GGA2: variants seen among roughly 807,000 people sequenced by gnomAD.
GGA2 encodes golgi associated, gamma adaptin ear containing, ARF binding protein 2, also known as ADP-ribosylation factor-binding protein GGA2.
GGA2 carries 48 observed loss-of-function variants against 79.5 expected under a neutral mutation model. That is an observed-to-expected ratio of 0.60 (90% CI 0.48 to 0.77). GGA2 has a LOEUF of 0.77. GGA2 is among the 30% of genes least tolerant of loss of function. The pLI is 0.00. For synonymous variants in GGA2, 317 were observed against 302.0 expected (o/e 1.05, Z -0.51); for missense variants, 770 against 774.0 (o/e 0.99, Z 0.06).
At chr16:23,468,630 C>T (rs1964471815) in intron 16 of GGA2, among the ~76,000 whole-genome samples, 1 of 150,656 alleles carries the variant, frequency 6.6e-6, no homozygotes, top group Non-Finnish European at 1.5e-5. Flanking sequence ...CGTGCCCCCA[C>T]AACCAGCTAA....
At chr16:23,480,297 T>G in intron 10 of GGA2, 1 of 310,504 alleles carries the variant, frequency 3.2e-6, no homozygotes, top group Non-Finnish European at 6.1e-6. Flanking sequence ...TTTCAACCAG[T>G]GCTCCAGGTG....
intron 14 of GGA2, among the ~76,000 whole-genome samples, chr16:23,472,480 G>A (rs1964523786): frequency 6.6e-6 from 1 of 151,688 alleles, no homozygotes; most frequent in Admixed American, 6.6e-5. Context: ...TTACAGGCAT[G>A]AGCCACCACA....
intron 2 of GGA2, among the ~76,000 whole-genome samples, chr16:23,515,930 C>G (rs2142151506): frequency 1.3e-5 from 2 of 152,260 alleles, no homozygotes; most frequent in South Asian, 4.1e-4. Flanking sequence ...GCCTCCAACT[C>G]CTGGGTTCAA....
chr16:23,495,710 T>C lies in GGA2; in HGVS notation c.160A>G (p.Asn54Asp). 1 of 1,606,706 alleles carries C rather than the reference T, an allele frequency of 6.2e-7. No homozygotes were observed. The highest frequency in any genetic ancestry group is 8.5e-7 in the Non-Finnish European group (1 of 1,173,302). Reference sequence around the variant, plus strand: ...TTACCTTACCCATTGGGGTCAGTGTTCACCTGCTCACAGAAATTCTGGATA... The same window carrying C: ...TTACCTTACCCATTGGGGTCAGTGTCCACCTGCTCACAGAAATTCTGGATA... The part of the protein sequence containing the change: ...SAIQNFCEQV[N>D]TDPNGPTHAP... Residue 54 changes from asparagine to aspartate, a missense_variant, in exon 2 of 17, where the codon AAC (asparagine) becomes GAC (aspartate). Asn to Asp is a conservative substitution (Grantham distance 23). Coordinates refer to ENST00000309859, the MANE Select transcript of GGA2 (RefSeq NM_015044.4).
rs141472639 is a variant in GGA2 at position 23,475,313 on chromosome 16, C to T, written c.1293-252G>A. On this transcript the variant is annotated intron_variant, in intron 13 of 16. Transcript: ENST00000309859. ...CAAGCGATTCTCCTGACTCAGCCTC[C>T]CGAGTAGCTGGGATTACAGGCACCT... Among the ~76,000 whole-genome samples, 631 of 151,510 alleles carry T rather than the reference C, an allele frequency of 4.2e-3. 2 individuals are homozygous for T. Among genetic ancestry groups the T allele is most frequent in the Middle Eastern group, 0.014 (4 of 294 alleles).
intron 1 of GGA2, among the ~76,000 whole-genome samples, chr16:23,509,058 C>G (rs1002110529): frequency 2.0e-5 from 3 of 152,134 alleles, no homozygotes; most frequent in Non-Finnish European, 4.4e-5. Context: ...TAGCCGCTCT[C>G]CCTGCCTGAA....
chr16:23,494,047 A>T, intron 3 of GGA2: 3 of 514,954 alleles, frequency 5.8e-6, no homozygotes, highest in Non-Finnish European at 1.0e-5. Context: ...TGGTCTAAGA[A>T]GGGCAAATGA....
chr16:23,484,741 T>C (rs1003090987), intron 8 of GGA2, among the ~76,000 whole-genome samples: 2 of 152,186 alleles, frequency 1.3e-5, no homozygotes, highest in Middle Eastern at 3.2e-3. Context: ...TGCAGAGAAC[T>C]GGAGCCAATA....
intron 5 of GGA2, among the ~76,000 whole-genome samples, chr16:23,490,739 GAA>G (rs1199570785): frequency 2.2e-5 from 2 of 89,380 alleles, no homozygotes; most frequent in Non-Finnish European, 2.4e-5. Context: ...TGTCTCAAAA[GAA>G]AAAAAAAAAA....
chr16:23,499,036 G>T (rs935958374), intron 1 of GGA2, among the ~76,000 whole-genome samples: 2 of 152,106 alleles, frequency 1.3e-5, no homozygotes, highest in Non-Finnish European at 2.9e-5. Context: ...GAGAGAACAG[G>T]AGAGGCAGAG....
rs1183364694 is a variant in GGA2, at chr16:23,507,227, G to GAATAT, written c.91+3089_91+3093dup. On this transcript the variant is annotated intron_variant, in intron 1 of 16. Coordinates refer to ENST00000309859, the MANE Select transcript of GGA2 (RefSeq NM_015044.4). ...TGAAAACCCACGATATTTCACTTAA[G>GAATAT]AATATAGGTTCTAGCCGTTCCTGAA... Among the ~76,000 whole-genome samples the GAATAT allele has an allele frequency of 2.6e-4, 40 of 152,222 alleles. 1 individual carries two copies. The highest frequency in any genetic ancestry group is 9.6e-4 in the African/African-American group (40 of 41,522).
chr16:23,509,515 C>A (rs1965011523), intron 1 of GGA2, among the ~76,000 whole-genome samples: 1 of 152,020 alleles, frequency 6.6e-6, no homozygotes, highest in South Asian at 2.1e-4. Flanking sequence ...GAGCAAGGAC[C>A]CTGTGTTATG....
intron 16 of GGA2, 31 bp downstream of exon 16, chr16:23,468,855 T>C (rs746299571): frequency 7.2e-7 from 1 of 1,386,714 alleles, no homozygotes. Flanking sequence ...GGGGCCCCCA[T>C]CTCCCTGCTA....
chr16:23,488,754 G>A (rs757297346), intron 5 of GGA2, 45 bp from the exon 6 acceptor site: 2 of 1,056,782 alleles, frequency 1.9e-6, no homozygotes, highest in South Asian at 1.3e-5. Context: ...ATGGTACCCA[G>A]AAACTTCAGT....
At chr16:23,475,576 G>A (rs998342302) in intron 13 of GGA2, among the ~76,000 whole-genome samples, 3 of 151,626 alleles carry the variant, frequency 2.0e-5, no homozygotes, top group African/African-American at 7.3e-5. Context: ...TACCTCCTAG[G>A]GCTACTGTAA....
rs766600629 is a variant in GGA2, at chr16:23,493,365, G to C, written c.346C>G (p.Pro116Ala). ...FLNELIKVLS[P>A]KYLGSWATGK... Reference sequence around the variant, plus strand: ...AGCCAAGCCCAGGTACTCACCTTTGGGGACAACACTTTGATCAGTTCGTTC... The same window carrying C: ...AGCCAAGCCCAGGTACTCACCTTTGCGGACAACACTTTGATCAGTTCGTTC... The change falls in exon 4 of 17, where the codon CCA becomes GCA. Residue 116 changes from proline to alanine, a missense_variant. Coordinates refer to ENST00000309859, the MANE Select transcript of GGA2 (RefSeq NM_015044.4). 6.3e-7 allele frequency: 1 copy of C among 1,586,394 alleles called. No individual in the cohort carries two copies. Among genetic ancestry groups the C allele is most frequent in the Middle Eastern group, 1.7e-4 (1 of 6,010 alleles).
intron 8 of GGA2, among the ~76,000 whole-genome samples, chr16:23,484,360 C>T (rs1327374375): frequency 2.0e-5 from 3 of 151,970 alleles, no homozygotes; most frequent in Admixed American, 1.3e-4. Context: ...AGAAGTCGTG[C>T]GGAGCTGAGA....
At chr16:23,468,838 C>G in intron 16 of GGA2, 48 bp downstream of exon 16, 1 of 1,058,428 alleles carries the variant, frequency 9.4e-7, no homozygotes, top group Non-Finnish European at 1.5e-6. Context: ...CCTCCCCTTA[C>G]AGTTCAGGGG....
chr16:23,488,012 G>C (rs1964736638), intron 6 of GGA2, among the ~76,000 whole-genome samples: 1 of 152,142 alleles, frequency 6.6e-6, no homozygotes, highest in South Asian at 2.1e-4. Flanking sequence ...CTGGGTCTTG[G>C]CCACCTTCTT....
Sources: gnomAD v4.1 joint callset for allele counts (sites outside exome capture counted in the v4.1 genomes callset) on GRCh38, gnomAD v4.1.1 for gene constraint, MANE v1.5 for transcripts, NCBI Gene and HGNC (gene_info 2026-07-23, HGNC 2026-07-21) for gene names.